Variants in LDHAL6A observed in about 807,000 individuals in gnomAD.
LDHAL6A encodes the protein lactate dehydrogenase A like 6A, also known as L-lactate dehydrogenase A-like 6A.
In LDHAL6A, 19 loss-of-function variants were observed where a neutral mutation model predicts 28.2. The ratio of observed to expected loss-of-function variants is 0.67; its 90% confidence interval spans 0.47 to 0.99. LDHAL6A has a LOEUF of 0.99. LDHAL6A is among the 50% of genes least tolerant of loss of function. The pLI is 0.00. For missense variants in LDHAL6A, 372 were observed against 398.6 expected (o/e 0.93, Z 0.57); for synonymous variants, 144 against 134.4 (o/e 1.07, Z -0.49).
chr11:18,474,710 T>A (rs1849330766), intron 3 of LDHAL6A, among the ~76,000 whole-genome samples: 1 of 152,096 alleles, frequency 6.6e-6, no homozygotes, highest in Non-Finnish European at 1.5e-5. Context: ...TAAAAAAATA[T>A]ATTTTTTAGG....
At chr11:18,468,455 C>G (rs1463268063) in intron 3 of LDHAL6A, 1 of 151,938 alleles carries the variant, frequency 6.6e-6, no homozygotes, top group Non-Finnish European at 1.5e-5. Context: ...TCTTGTGCCT[C>G]AGCCTCCTGA....
intron 3 of LDHAL6A, among the ~76,000 whole-genome samples, chr11:18,473,288 G>C (rs1158900138): frequency 2.6e-5 from 4 of 152,120 alleles, no homozygotes; most frequent in Non-Finnish European, 5.9e-5. Flanking sequence ...CAAAGTCCCA[G>C]GCAAGTAGGC....
rs757632251 is a variant in LDHAL6A, at chr11:18,478,707, G to T, written c.836G>T (p.Gly279Val). The T allele has an allele frequency of 8.1e-6, 13 of 1,603,254 alleles. No homozygotes were observed. The South Asian group carries it at 1.1e-4, about 14-fold the overall frequency. ...RVHPVSTLSK[G>V]LYGINEDIFL... ...TAATTTTTAAGTCTTTACTTTCAGG[G>T]CCTCTATGGAATAAATGAAGACATA... The change falls in exon 7 of 7, where the codon GGC becomes GTC. Residue 279 changes from glycine (G) to valine (V), a missense_variant and splice_region_variant. Coordinates refer to ENST00000280706, the MANE Select transcript of LDHAL6A (RefSeq NM_144972.5).
At chr11:18,468,012 T>C (rs12788196) in intron 3 of LDHAL6A, among the ~76,000 whole-genome samples, 6 of 68,024 alleles carry the variant, frequency 8.8e-5, no homozygotes, top group African/African-American at 2.5e-4. Context: ...CGTATATATA[T>C]ACATATATAT....
chr11:18,468,833 G>A (rs941324019), intron 3 of LDHAL6A: 29 of 178,716 alleles, frequency 1.6e-4, no homozygotes, highest in African/African-American at 7.1e-5. Context: ...CTTTTTGTAT[G>A]GCATTGAGAT....
intron 2 of LDHAL6A, among the ~76,000 whole-genome samples, chr11:18,464,977 G>GTTTTTTTTGTTTTTTTTTT (rs1849016188): frequency 8.8e-5 from 11 of 125,552 alleles, no homozygotes; most frequent in African/African-American, 2.0e-4. Context: ...TGTTTTTTTT[G>GTTTTTTTTGTTTTTTTTTT]TTTTTTTTTG....
At chr11:18,462,421 A>T (rs1010533789) in intron 1 of LDHAL6A, among the ~76,000 whole-genome samples, 17 of 151,884 alleles carry the variant, frequency 1.1e-4, no homozygotes, top group African/African-American at 4.1e-4. Flanking sequence ...GCGGATCACT[A>T]GGTCAGGAGA....
Position 18,479,312 on chromosome 11 carries a change from C to G in LDHAL6A, c.*442C>G. 1 of 145,394 alleles carries G rather than the reference C, an allele frequency of 6.9e-6. No homozygotes were observed. Among genetic ancestry groups the G allele is most frequent in the East Asian group, 2.0e-4 (1 of 5,080 alleles). 9.0% of individuals were successfully genotyped at this position (145,394 alleles called of 1,614,324 possible). A position where few individuals can be genotyped will look rare whatever the true frequency, so the allele number is the denominator to read the frequency against. On this transcript the variant is annotated 3_prime_UTR_variant, in exon 7 of 7. Coordinates refer to ENST00000280706, the MANE Select transcript of LDHAL6A (RefSeq NM_144972.5). Reference sequence around the variant, plus strand: ...GATTTAGTATCCAGATGATAGATGACACTTTTTTTTTTTTTTTTTTAAAGT... The same window carrying G: ...GATTTAGTATCCAGATGATAGATGAGACTTTTTTTTTTTTTTTTTTAAAGT...
intron 1 of LDHAL6A, among the ~76,000 whole-genome samples, chr11:18,457,830 G>T (rs916112278): frequency 6.6e-6 from 1 of 152,028 alleles, no homozygotes; most frequent in Admixed American, 6.6e-5. Flanking sequence ...ACCTTGCTTT[G>T]CCCAACACAT....
At chr11:18,459,034 A>G (rs1277607496) in intron 1 of LDHAL6A, among the ~76,000 whole-genome samples, 1 of 151,604 alleles carries the variant, frequency 6.6e-6, no homozygotes, top group Non-Finnish European at 1.5e-5. Context: ...AATTGAAAGG[A>G]TAACAGTTTA....
intron 3 of LDHAL6A, among the ~76,000 whole-genome samples, chr11:18,466,405 C>T (rs1048535550): frequency 6.6e-6 from 1 of 152,214 alleles, no homozygotes; most frequent in Non-Finnish European, 1.5e-5. Flanking sequence ...GTAATCCCAG[C>T]ACTTTGGGAG....
intron 5 of LDHAL6A, among the ~76,000 whole-genome samples, chr11:18,477,082 T>TG (rs1849400628): frequency 1.3e-5 from 2 of 151,190 alleles, no homozygotes; most frequent in Non-Finnish European, 2.9e-5. Context: ...GAGCATATGG[T>TG]GGCTTGCTTG....
intron 1 of LDHAL6A, among the ~76,000 whole-genome samples, chr11:18,462,083 G>C (rs1481419326): frequency 1.3e-5 from 2 of 151,908 alleles, no homozygotes; most frequent in Non-Finnish European, 2.9e-5. Context: ...GAGGTGGGAG[G>C]ATCATCTGAG....
At chr11:18,458,775 G>A (rs1030096486) in intron 1 of LDHAL6A, among the ~76,000 whole-genome samples, 1 of 130,436 alleles carries the variant, frequency 7.7e-6, no homozygotes. Flanking sequence ...AGTATAATGC[G>A]AGATCCACTT....
intron 1 of LDHAL6A, among the ~76,000 whole-genome samples, chr11:18,462,639 A>C (rs1400174360): frequency 3.7e-5 from 4 of 107,630 alleles, no homozygotes; most frequent in Non-Finnish European, 7.7e-5. Flanking sequence ...TCTGTCTCAA[A>C]AAACAAACAA....
chr11:18,459,875 C>T (rs1378445333), intron 1 of LDHAL6A, among the ~76,000 whole-genome samples: 2 of 146,066 alleles, frequency 1.4e-5, no homozygotes, highest in African/African-American at 5.3e-5. Context: ...TTTTGTAGAA[C>T]ACCTTTCTCT....
chr11:18,478,811 G>T lies in LDHAL6A; in HGVS notation c.940G>T (p.Ala314Ser). 6.2e-7 allele frequency: 1 copy of T among 1,613,968 alleles called. No homozygotes were observed. Among genetic ancestry groups the T allele is most frequent in the Non-Finnish European group, 8.5e-7 (1 of 1,179,968 alleles). Residue 314 changes from alanine to serine, a missense_variant, in exon 7 of 7, where the codon GCC becomes TCC. By Grantham distance (99) the Ala-to-Ser change is moderately conservative (BLOSUM62 1). This residue lies in a region of LDHAL6A where 291 missense variants were observed against 302.9 expected (regional missense o/e 0.96). Transcript: ENST00000280706. The part of the protein sequence containing the change: ...IKVKLTLEEE[A>S]CLQKSAETLW... ...AGTAAAACTGACTCTTGAAGAGGAG[G>T]CCTGCTTGCAAAAGAGTGCAGAAAC...
At chr11:18,460,859 G>T (rs1368545546) in intron 1 of LDHAL6A, among the ~76,000 whole-genome samples, 1 of 152,000 alleles carries the variant, frequency 6.6e-6, no homozygotes, top group African/African-American at 2.4e-5. Flanking sequence ...TTTTCTGAGA[G>T]GGAGTCTCAC....
At chr11:18,477,148 T>C (rs1231482146) in intron 5 of LDHAL6A, among the ~76,000 whole-genome samples, 1 of 151,084 alleles carries the variant, frequency 6.6e-6, no homozygotes, top group East Asian at 2.0e-4. Context: ...GCTGAGACCC[T>C]CTCTCAAAAA....
Sources: gnomAD v4.1 joint callset for allele counts (sites outside exome capture counted in the v4.1 genomes callset) on GRCh38, gnomAD v4.1.1 for gene constraint, gnomAD v4.1.1 regional missense constraint, MANE v1.5 for transcripts, NCBI Gene and HGNC (gene_info 2026-07-23, HGNC 2026-07-21) for gene names.